The following USP32 variants were observed in gnomAD, a reference collection of about 807,000 sequenced individuals.
USP32 encodes the protein ubiquitin specific peptidase 32.
A neutral mutation model predicts 204.8 loss-of-function variants in USP32; 59 were observed. The observed-to-expected ratio is 0.29, with a 90% confidence interval of 0.23 to 0.36. USP32 has a LOEUF of 0.36. Ranked by LOEUF, USP32 falls within the 10% of genes least tolerant of loss-of-function variation. The pLI is 1.00. For missense variants in USP32, 1,160 were observed against 1,946.4 expected, an observed-to-expected ratio of 0.60 and a Z score of 7.60; for synonymous variants, 517 against 678.4, an observed-to-expected ratio of 0.76 and a Z score of 3.70.
chr17:60,229,829 T>C (rs1240239686), intron 12 of USP32, among the ~76,000 whole-genome samples: 1 of 152,220 alleles, frequency 6.6e-6, no homozygotes, highest in Admixed American at 6.5e-5. Context: ...TCCTTCTTTT[T>C]TTGAGACAGA....
intron 11 of USP32, among the ~76,000 whole-genome samples, chr17:60,245,891 T>C (rs879309119): frequency 4.0e-5 from 6 of 151,368 alleles, no homozygotes; most frequent in Admixed American, 2.6e-4. Context: ...AATATTTCTA[T>C]TAAAAAATTA....
intron 23 of USP32, 85 bp from the exon 24 acceptor site, chr17:60,208,295 TA>T (rs2084881105): frequency 1.6e-6 from 2 of 1,274,204 alleles, no homozygotes; most frequent in African/African-American, 3.1e-5. Flanking sequence ...ATCTGACCTG[TA>T]AATATAATAG....
chr17:60,333,660 A>G (rs1036456872), intron 2 of USP32, among the ~76,000 whole-genome samples: 12 of 144,726 alleles, frequency 8.3e-5, no homozygotes, highest in African/African-American at 2.8e-4. Context: ...AGGGAGGGAG[A>G]GAAGGGAAGG....
At chr17:60,234,270 T>C (rs1345670823) in intron 12 of USP32, among the ~76,000 whole-genome samples, 10 of 151,544 alleles carry the variant, frequency 6.6e-5, no homozygotes, top group East Asian at 2.0e-4. Flanking sequence ...CCTGCCACCA[T>C]GCCCGGCTAA....
At chr17:60,405,641 A>C (rs931486300) in intron 1 of USP32, among the ~76,000 whole-genome samples, 3 of 152,176 alleles carry the variant, frequency 2.0e-5, no homozygotes, top group African/African-American at 7.2e-5. Context: ...TGTTGCCTAT[A>C]GTCCCAGCTG....
chr17:60,415,255 ACATGGT>A (rs902744819), intron 1 of USP32, among the ~76,000 whole-genome samples: 6 of 152,186 alleles, frequency 3.9e-5, no homozygotes, highest in African/African-American at 7.2e-5. Context: ...ACTTCACTGT[ACATGGT>A]CAAATATCTT....
chr17:60,243,931 T>G (rs1180250286), intron 11 of USP32, among the ~76,000 whole-genome samples: 4 of 152,092 alleles, frequency 2.6e-5, no homozygotes, highest in Non-Finnish European at 5.9e-5. Context: ...AACAGTAAAG[T>G]GATTTTAGTT....
intron 27 of USP32, among the ~76,000 whole-genome samples, chr17:60,195,679 A>T (rs777600957): frequency 2.6e-5 from 4 of 151,994 alleles, no homozygotes; most frequent in Admixed American, 6.6e-5. Context: ...TCAATCTCTA[A>T]ATGTCGGAAT....
intron 4 of USP32, among the ~76,000 whole-genome samples, chr17:60,290,511 T>C (rs1211326563): frequency 1.3e-5 from 2 of 152,188 alleles, no homozygotes; most frequent in Admixed American, 1.3e-4. Flanking sequence ...CTGATGCACA[T>C]TTTTACACAC....
chr17:60,378,331 T>G (rs78498204), intron 1 of USP32, among the ~76,000 whole-genome samples: 217 of 152,300 alleles, frequency 1.4e-3, no homozygotes, highest in African/African-American at 5.0e-3. Flanking sequence ...GAAGGAGCAC[T>G]TGTGCATTGC....
At chr17:60,287,608 A>G in intron 5 of USP32, among the ~76,000 whole-genome samples, 1 of 152,128 alleles carries the variant, frequency 6.6e-6, no homozygotes, top group Non-Finnish European at 1.5e-5. Context: ...CTATAACAGG[A>G]CTTCAGAGGG....
intron 3 of USP32, 93 bp from the exon 4 acceptor site, chr17:60,294,894 A>G (rs2087388089): frequency 1.4e-6 from 1 of 723,852 alleles, no homozygotes; most frequent in South Asian, 1.8e-5. Flanking sequence ...ACAATAACTG[A>G]GTGATTACTA....
At chr17:60,339,631 C>T (rs1460151766) in intron 2 of USP32, among the ~76,000 whole-genome samples, 2 of 151,428 alleles carry the variant, frequency 1.3e-5, no homozygotes, top group African/African-American at 4.9e-5. Context: ...TCTTATTCCT[C>T]ACCTAAAATA....
intron 23 of USP32, 40 bp downstream of exon 23, chr17:60,208,614 T>G: frequency 1.4e-6 from 2 of 1,460,724 alleles, no homozygotes; most frequent in Non-Finnish European, 1.8e-6. Flanking sequence ...TAAAGTAAAT[T>G]TAATGGAGTC....
Position 60,232,168 on chromosome 17 carries a change from C to CTTTTTTTT in USP32, c.1239+3962_1239+3969dup, listed in dbSNP as rs58707657. Among the ~76,000 whole-genome samples, 91 of 109,464 alleles carry CTTTTTTTT rather than the reference C, an allele frequency of 8.3e-4. 1 individual carries two copies. The highest frequency in any genetic ancestry group is 1.9e-3 in the African/African-American group (50 of 26,954). 71.8% of individuals were successfully genotyped at this position (109,464 alleles called of 152,430 possible). A position where few individuals can be genotyped will look rare whatever the true frequency, so the allele number is the denominator to read the frequency against. On this transcript the variant is annotated intron_variant, in intron 12 of 33. Coordinates refer to ENST00000300896, the MANE Select transcript of USP32 (RefSeq NM_032582.4). ...ACATGTCAACACTAATTTTCTTTTT[C>CTTTTTTTT]TTTTTTTTTTTTTTTTTTTTTTGAG...
intron 4 of USP32, among the ~76,000 whole-genome samples, chr17:60,289,703 T>C (rs1187961161): frequency 2.0e-5 from 3 of 152,172 alleles, no homozygotes; most frequent in Non-Finnish European, 4.4e-5. Flanking sequence ...GAGCCAGGTA[T>C]TTCTAAGCAG....
At chr17:60,407,161 T>C (rs555497461) in intron 1 of USP32, among the ~76,000 whole-genome samples, 1 of 152,318 alleles carries the variant, frequency 6.6e-6, no homozygotes, top group East Asian at 1.9e-4. Flanking sequence ...GACGCACAGA[T>C]TGGAGTTCAT....
At chr17:60,360,966 TA>T (rs1013411220) in intron 1 of USP32, among the ~76,000 whole-genome samples, 1 of 151,870 alleles carries the variant, frequency 6.6e-6, no homozygotes, top group East Asian at 2.0e-4. Flanking sequence ...CCATCTCTAC[TA>T]AAAATACAAA....
intron 4 of USP32, among the ~76,000 whole-genome samples, chr17:60,291,432 G>A (rs1317451436): frequency 6.6e-6 from 1 of 151,996 alleles, no homozygotes; most frequent in African/African-American, 2.4e-5. Flanking sequence ...CATCTGTCAA[G>A]GCTAATAATA....
Sources: allele counts gnomAD v4.1 joint callset (sites outside exome capture counted in the v4.1 genomes callset), GRCh38; gene constraint gnomAD v4.1.1; transcripts MANE v1.5; gene names NCBI Gene and HGNC (gene_info 2026-07-23, HGNC 2026-07-21).